PDE2A: variants seen among roughly 807,000 people sequenced by gnomAD.
The protein encoded by PDE2A is cGMP-dependent 3',5'-cyclic phosphodiesterase.
PDE2A carries 53 observed loss-of-function variants against 133.6 expected under a neutral mutation model. The observed-to-expected ratio is 0.40, with a 90% confidence interval of 0.32 to 0.50. PDE2A has a LOEUF of 0.50. PDE2A is among the 20% of genes least tolerant of loss of function. The pLI is 0.73. For synonymous variants in PDE2A, 491 were observed against 490.2 expected (o/e 1.00, Z -0.02); for missense variants, 796 against 1,232.4 (o/e 0.65, Z 5.30).
intron 2 of PDE2A, among the ~76,000 whole-genome samples, chr11:72,628,881 C>T (rs1256856384): frequency 6.6e-6 from 1 of 152,218 alleles, no homozygotes; most frequent in Non-Finnish European, 1.5e-5. Context: ...CCTCGGGTCC[C>T]CACTCTCTCC....
intron 2 of PDE2A, among the ~76,000 whole-genome samples, chr11:72,630,483 A>T (rs192904846): frequency 1.4e-5 from 2 of 148,084 alleles, no homozygotes; most frequent in East Asian, 4.1e-4. Flanking sequence ...CGAAGGATTT[A>T]GGAAGCTGAG....
Position 72,640,410 on chromosome 11 carries a change from C to T in PDE2A, c.144+1844G>A, listed in dbSNP as rs456119. 8.1e-3 allele frequency among the ~76,000 whole-genome samples: 1,227 copies of T among 152,030 alleles called. 18 individuals carry two copies. Among genetic ancestry groups the T allele is most frequent in the African/African-American group, 0.028 (1,161 of 41,390 alleles). On this transcript the variant is annotated intron_variant, in intron 2 of 30. Transcript: ENST00000334456. Reference sequence around the variant, plus strand: ...ATTCCCATATGCACGTGTACATGCACGCACACACACACACTCACACACTCA... The same window carrying T: ...ATTCCCATATGCACGTGTACATGCATGCACACACACACACTCACACACTCA...
intron 1 of PDE2A, among the ~76,000 whole-genome samples, chr11:72,669,276 G>A (rs940619984): frequency 2.0e-5 from 3 of 152,110 alleles, no homozygotes; most frequent in Admixed American, 6.5e-5. Context: ...AAGAATGAAA[G>A]CCCAGAAATC....
intron 1 of PDE2A, among the ~76,000 whole-genome samples, chr11:72,658,928 C>A (rs930066073): frequency 6.6e-6 from 1 of 152,066 alleles, no homozygotes; most frequent in African/African-American, 2.4e-5. Context: ...AACTACTGGG[C>A]TGAAGCACTC....
intron 6 of PDE2A, 109 bp downstream of exon 6, chr11:72,596,484 T>TCTCA (rs564096058): frequency 8.1e-4 from 156 of 192,228 alleles, no homozygotes; most frequent in Non-Finnish European, 1.2e-3. Context: ...TCTCTCTCTC[T>TCTCA]CACACACACA....
At chr11:72,615,245 T>C in intron 2 of PDE2A, 4 of 299,578 alleles carry the variant, frequency 1.3e-5, no homozygotes, top group Non-Finnish European at 8.0e-6. Context: ...CTCTCGCCCT[T>C]CCCAAGCCAG....
intron 4 of PDE2A, among the ~76,000 whole-genome samples, chr11:72,600,979 G>T (rs946604304): frequency 2.0e-5 from 3 of 151,526 alleles, no homozygotes; most frequent in South Asian, 2.1e-4. Flanking sequence ...AAAGAGCTGG[G>T]TCCCCTGCAC....
intron 27 of PDE2A, 108 bp downstream of exon 27, chr11:72,579,176 G>C (rs1855601540): frequency 1.0e-6 from 1 of 979,710 alleles, no homozygotes; most frequent in Non-Finnish European, 1.6e-6. Flanking sequence ...AGCCAGAGAA[G>C]GGTTGATGTT....
chr11:72,600,731 A>C (rs551605829), intron 4 of PDE2A, among the ~76,000 whole-genome samples: 3 of 152,078 alleles, frequency 2.0e-5, no homozygotes, highest in African/African-American at 4.8e-5. Context: ...TTCCAGGCTC[A>C]TGCTGGGGGT....
At chr11:72,638,880 G>C (rs981474174) in intron 2 of PDE2A, among the ~76,000 whole-genome samples, 1 of 152,224 alleles carries the variant, frequency 6.6e-6, no homozygotes, top group Non-Finnish European at 1.5e-5. Flanking sequence ...GTTGCCTGGG[G>C]AATGGCCAGC....
At chr11:72,666,868 G>T (rs1159594436) in intron 1 of PDE2A, among the ~76,000 whole-genome samples, 1 of 152,202 alleles carries the variant, frequency 6.6e-6, no homozygotes, top group African/African-American at 2.4e-5. Flanking sequence ...TACTTTGGGA[G>T]GCCAAGGTGG....
Position 72,579,558 on chromosome 11 carries a change from G to T in PDE2A, c.2232C>A (p.Asn744Lys). 9 of 1,537,224 alleles carry T rather than the reference G, an allele frequency of 5.9e-6. No individual in the cohort carries two copies. The highest frequency in any genetic ancestry group is 8.0e-6 in the Non-Finnish European group (9 of 1,128,196). ...CCTTCCGGGAGAAATGATCAAAGAT[G>T]TTGCAGCCGTGGGTGTTGAGGATGG... ...AIAILNTHGC[N>K]IFDHFSRKDY... Residue 744 changes from asparagine (N) to lysine (K), a missense_variant, in exon 26 of 31, where the codon AAC (asparagine) becomes AAA (lysine). Coordinates refer to ENST00000334456, the MANE Select transcript of PDE2A (RefSeq NM_002599.5).
intron 6 of PDE2A, among the ~76,000 whole-genome samples, chr11:72,592,293 C>T (rs1856286666): frequency 6.6e-6 from 1 of 152,188 alleles, no homozygotes; most frequent in East Asian, 1.9e-4. Flanking sequence ...TGCAGAGCTC[C>T]CCACAGCGCC....
At chr11:72,667,869 TAA>T (rs10636062) in intron 1 of PDE2A, among the ~76,000 whole-genome samples, 36 of 133,280 alleles carry the variant, frequency 2.7e-4, no homozygotes, top group African/African-American at 7.3e-4. Flanking sequence ...CTGTCTCTAT[TAA>T]AAAAAAAAAA....
rs1282557551 is a variant in PDE2A, at chr11:72,581,388, A to G, written c.2014T>C (p.Tyr672His). Residue 672 changes from tyrosine (Y) to histidine (H), a missense_variant, in exon 23 of 31, where the codon TAC becomes CAC. By Grantham distance (83) the Tyr-to-His change is moderately conservative. Coordinates refer to ENST00000334456, the MANE Select transcript of PDE2A (RefSeq NM_002599.5). ...TAGTTGGTGAGCTCCAGGTTCTTGT[A>G]GAGCAGGTAGCAGAAGTGGGAGACA... ...FSVSHFCYLLYKNLELTNYLE... is the reference protein window; with the variant it reads ...FSVSHFCYLLHKNLELTNYLE... 1.9e-6 allele frequency: 3 copies of G among 1,613,104 alleles called. No homozygotes were observed. Among genetic ancestry groups the G allele is most frequent in the Non-Finnish European group, 2.5e-6 (3 of 1,179,810 alleles).
chr11:72,633,025 G>T (rs1858495731), intron 2 of PDE2A, among the ~76,000 whole-genome samples: 1 of 152,144 alleles, frequency 6.6e-6, no homozygotes, highest in African/African-American at 2.4e-5. Flanking sequence ...GGCCCCCCAG[G>T]CCAGCTCACC....
At chr11:72,625,322 C>T (rs998381584) in intron 2 of PDE2A, among the ~76,000 whole-genome samples, 1 of 152,224 alleles carries the variant, frequency 6.6e-6, no homozygotes, top group Non-Finnish European at 1.5e-5. Context: ...GGCCTCGCCC[C>T]AGCCCCAGGG....
chr11:72,608,218 C>T (rs1857054457), intron 3 of PDE2A, among the ~76,000 whole-genome samples: 1 of 152,168 alleles, frequency 6.6e-6, no homozygotes, highest in Non-Finnish European at 1.5e-5. Context: ...GCACTTTAAC[C>T]CAATGCATGT....
intron 2 of PDE2A, chr11:72,615,257 C>T: frequency 3.5e-6 from 1 of 285,936 alleles, no homozygotes; most frequent in Non-Finnish European, 8.5e-6. Context: ...CCAAGCCAGT[C>T]CCAGCTTCTA....
Sources: gnomAD v4.1 joint callset for allele counts (sites outside exome capture counted in the v4.1 genomes callset) on GRCh38, gnomAD v4.1.1 for gene constraint, MANE v1.5 for transcripts, NCBI Gene and HGNC (gene_info 2026-07-23, HGNC 2026-07-21) for gene names.